OLFML2B: variants seen among roughly 807,000 people sequenced by gnomAD.
The protein encoded by OLFML2B is olfactomedin like 2B.
Under a neutral mutation model 74.9 loss-of-function variants are expected in OLFML2B, and 57 were observed. That is an observed-to-expected ratio of 0.76 (90% confidence interval 0.61 to 0.95). The LOEUF (loss-of-function observed/expected upper bound fraction) is 0.95. Ranked by LOEUF, OLFML2B falls within the 40% of genes least tolerant of loss-of-function variation. The pLI is 0.00. For missense variants in OLFML2B, 986 were observed against 970.6 expected, an observed-to-expected ratio of 1.02 and a Z score of -0.21; for synonymous variants, 388 against 405.8, an observed-to-expected ratio of 0.96 and a Z score of 0.53.
At chr1:162,002,722 T>C (rs1690115229) in intron 4 of OLFML2B, among the ~76,000 whole-genome samples, 1 of 152,122 alleles carries the variant, frequency 6.6e-6, no homozygotes, top group Non-Finnish European at 1.5e-5. Context: ...GTAGGGGACA[T>C]CCTTCTGCCA....
chr1:161,985,040 A>T, intron 6 of OLFML2B, 60 bp from the exon 7 acceptor site: 45 of 1,431,386 alleles, frequency 3.1e-5, no homozygotes, highest in South Asian at 1.4e-4. Context: ...CACCCCTTAA[A>T]CCTTTGCTGT....
intron 3 of OLFML2B, among the ~76,000 whole-genome samples, chr1:162,010,278 G>A (rs536820416): frequency 6.6e-6 from 1 of 152,368 alleles, no homozygotes; most frequent in East Asian, 1.9e-4. Context: ...AGTGCCATGT[G>A]CAGGAGAGGT....
At chr1:162,019,773 A>T (rs1268547764) in intron 2 of OLFML2B, 146 bp downstream of exon 2, 1 of 1,021,574 alleles carries the variant, frequency 9.8e-7, no homozygotes, top group South Asian at 1.7e-5. Flanking sequence ...GTTTGCTAGG[A>T]CATCAACCTT....
At position 162,000,094 on chromosome 1, in the gene OLFML2B, C is replaced by T; in HGVS notation, c.949+19G>A. On this transcript the variant is annotated intron_variant, in intron 5 of 7. Coordinates refer to ENST00000294794, the MANE Select transcript of OLFML2B (RefSeq NM_015441.3). Reference sequence around the variant, plus strand: ...CTCCCTACCCTGCCTCTGGGGCGGCCCTGTTGACCCCAACTCACGCTGCTC... The same window carrying T: ...CTCCCTACCCTGCCTCTGGGGCGGCTCTGTTGACCCCAACTCACGCTGCTC... The T allele has an allele frequency of 2.6e-6, 4 of 1,562,966 alleles. No homozygotes were observed. The highest frequency in any genetic ancestry group is 3.5e-6 in the Non-Finnish European group (4 of 1,148,818).
At chr1:162,002,086 G>C (rs1690095283) in intron 4 of OLFML2B, among the ~76,000 whole-genome samples, 1 of 152,200 alleles carries the variant, frequency 6.6e-6, no homozygotes, top group African/African-American at 2.4e-5. Flanking sequence ...CCCTGTCCAG[G>C]ATTATAATCA....
At chr1:162,008,945 G>A (rs1309155759) in intron 3 of OLFML2B, among the ~76,000 whole-genome samples, 1 of 152,204 alleles carries the variant, frequency 6.6e-6, no homozygotes, top group Admixed American at 6.5e-5. Context: ...CCTGCTGAGA[G>A]CAACACCTGT....
At chr1:162,010,970 G>A (rs1690362963) in intron 3 of OLFML2B, among the ~76,000 whole-genome samples, 1 of 152,194 alleles carries the variant, frequency 6.6e-6, no homozygotes, top group Admixed American at 6.5e-5. Flanking sequence ...TGTGGGTGAA[G>A]CTGGAGTGGG....
In OLFML2B at chr1:161,983,665, G is replaced by T. The variant is rs780295116; in HGVS notation, c.*10C>A. 1.3e-6 allele frequency: 2 copies of T among 1,595,500 alleles called. No homozygotes were observed. The highest frequency in any genetic ancestry group is 1.1e-5 in the South Asian group (1 of 87,690). On this transcript the variant is annotated 3_prime_UTR_variant, in exon 8 of 8. Coordinates refer to ENST00000294794, the MANE Select transcript of OLFML2B (RefSeq NM_015441.3). ...ACCCCTCTGTGCTTCTGCTTGTGGGGACAAGGGTGTCAGTAGGCAAAGATG... is the reference window on the plus strand; with the variant it reads ...ACCCCTCTGTGCTTCTGCTTGTGGGTACAAGGGTGTCAGTAGGCAAAGATG...
chr1:161,993,178 C>T (rs976131868), intron 6 of OLFML2B, among the ~76,000 whole-genome samples: 4 of 152,208 alleles, frequency 2.6e-5, no homozygotes, highest in African/African-American at 9.6e-5. Context: ...CTTTTGAGCA[C>T]GGGCCCCACA....
At chr1:162,004,007 G>A (rs1249590985) in intron 4 of OLFML2B, among the ~76,000 whole-genome samples, 2 of 152,184 alleles carry the variant, frequency 1.3e-5, no homozygotes, top group Non-Finnish European at 2.9e-5. Flanking sequence ...GGAGAAAAAG[G>A]GTTTGGTGTT....
At position 161,984,647 on chromosome 1, in the gene OLFML2B, G is replaced by A. The variant is rs773024187; in HGVS notation, c.1651+157C>T. 5.1e-4 allele frequency among the ~76,000 whole-genome samples: 78 copies of A among 152,114 alleles called. 1 individual carries two copies. The highest frequency in any genetic ancestry group is 4.9e-3 in the Admixed American group (75 of 15,280). On this transcript the variant is annotated intron_variant, in intron 7 of 7. Coordinates refer to ENST00000294794, the MANE Select transcript of OLFML2B (RefSeq NM_015441.3). ...AGAGGCAGAGAATGTGAGGGAGTGGGGAAGGGGGACCGCTCTCCAAGGAAA... is the reference window on the plus strand; with the variant it reads ...AGAGGCAGAGAATGTGAGGGAGTGGAGAAGGGGGACCGCTCTCCAAGGAAA...
chr1:161,988,185 C>A (rs150399020), intron 6 of OLFML2B, among the ~76,000 whole-genome samples: 246 of 152,350 alleles, frequency 1.6e-3, no homozygotes, highest in African/African-American at 5.7e-3. Flanking sequence ...TTACTACGCA[C>A]TTTCTATGTA....
chr1:162,001,863 G>A (rs1690089827), intron 4 of OLFML2B, among the ~76,000 whole-genome samples: 1 of 152,198 alleles, frequency 6.6e-6, no homozygotes, highest in African/African-American at 2.4e-5. Context: ...CATCTACATT[G>A]GTAACTAACC....
chr1:162,014,229 G>A (rs986287920), intron 3 of OLFML2B, among the ~76,000 whole-genome samples: 3 of 152,038 alleles, frequency 2.0e-5, no homozygotes, highest in Non-Finnish European at 4.4e-5. Flanking sequence ...TGCATGTGTC[G>A]TTTTTCAGTA....
At position 162,010,502 on chromosome 1, in the gene OLFML2B, T is replaced by G. The variant is rs551306085; in HGVS notation, c.547-4029A>C. Reference sequence around the variant, plus strand: ...ATCAGTCAGCCCTAGTCAGCATGGCTGGTGTTTTGACAAGCCATGTAGGGC... The same window carrying G: ...ATCAGTCAGCCCTAGTCAGCATGGCGGGTGTTTTGACAAGCCATGTAGGGC... On this transcript the variant is annotated intron_variant, in intron 3 of 7. Transcript: ENST00000294794. 2.6e-5 allele frequency among the ~76,000 whole-genome samples: 4 copies of G among 152,258 alleles called. No individual in the cohort carries two copies. In the East Asian group the frequency reaches 7.7e-4, roughly 29 times the overall value.
At chr1:162,023,140 C>G (rs745755720) in intron 1 of OLFML2B, 117 bp downstream of exon 1, 8 of 1,002,274 alleles carry the variant, frequency 8.0e-6, no homozygotes, top group Non-Finnish European at 1.1e-5. Flanking sequence ...ATCAAAAGCC[C>G]TTTCCATTGG....
chr1:162,010,221 T>C (rs1046897703), intron 3 of OLFML2B, among the ~76,000 whole-genome samples: 45 of 152,170 alleles, frequency 3.0e-4, no homozygotes, highest in African/African-American at 1.0e-3. Flanking sequence ...TCATCATGAT[T>C]CCTTGGGCCA....
chr1:162,010,791 C>T (rs1690358774), intron 3 of OLFML2B, among the ~76,000 whole-genome samples: 1 of 152,010 alleles, frequency 6.6e-6, no homozygotes, highest in Non-Finnish European at 1.5e-5. Context: ...AAACCCACAC[C>T]ACAGTCATGG....
At chr1:161,987,877 A>G (rs138863841) in intron 6 of OLFML2B, among the ~76,000 whole-genome samples, 2 of 152,336 alleles carry the variant, frequency 1.3e-5, no homozygotes, top group East Asian at 3.9e-4. Flanking sequence ...GAGCCCAGGC[A>G]GGACAAATGC....
Sources: gnomAD v4.1 joint callset for allele counts (sites outside exome capture counted in the v4.1 genomes callset) on GRCh38, gnomAD v4.1.1 for gene constraint, MANE v1.5 for transcripts, NCBI Gene and HGNC (gene_info 2026-07-23, HGNC 2026-07-21) for gene names.